Variants in XIRP2 observed in about 807,000 individuals in gnomAD.
The protein encoded by XIRP2 is xin actin-binding repeat-containing protein 2.
In XIRP2, 236 loss-of-function variants were observed where a neutral mutation model predicts 277.0. That is an observed-to-expected ratio of 0.85 (90% CI 0.77 to 0.95). The LOEUF (loss-of-function observed/expected upper bound fraction) is 0.95. Among genes scored for constraint, XIRP2 ranks in the 40% least tolerant of loss-of-function variants. The pLI, the probability that XIRP2 is intolerant of heterozygous loss-of-function variation, is 0.00. For missense variants in XIRP2, 4,640 were observed against 4,157.5 expected (o/e 1.12, Z -3.19); for synonymous variants, 1,490 against 1,416.5 (o/e 1.05, Z -1.17).
At chr2:166,896,319 A>G (rs1684240111) in intron 1 of XIRP2, among the ~76,000 whole-genome samples, 1 of 152,152 alleles carries the variant, frequency 6.6e-6, no homozygotes, top group Non-Finnish European at 1.5e-5. Flanking sequence ...AGAAGAAGGC[A>G]TTATTATCAG....
chr2:167,221,323 G>A (rs1264501002), intron 5 of XIRP2, among the ~76,000 whole-genome samples: 1 of 151,954 alleles, frequency 6.6e-6, no homozygotes, highest in African/African-American at 2.4e-5. Flanking sequence ...AATTAGCCAG[G>A]TGTGGTGGCG....
At chr2:167,023,044 T>C (rs1479051681) in intron 2 of XIRP2, among the ~76,000 whole-genome samples, 3 of 152,308 alleles carry the variant, frequency 2.0e-5, no homozygotes, top group African/African-American at 7.2e-5. Flanking sequence ...ACTTCCACAA[T>C]GGTTGAACTA....
At chr2:166,942,773 G>GT (rs201126811) in intron 2 of XIRP2, among the ~76,000 whole-genome samples, 3,577 of 151,276 alleles carry the variant, frequency 0.024, 61 homozygotes, top group Non-Finnish European at 0.038. Context: ...TCAGTATGAG[G>GT]TTTTTTTTTA....
rs1415534523 is a variant in XIRP2, at chr2:167,163,937, G to T, written c.562+27875G>T. Among the ~76,000 whole-genome samples the T allele has an allele frequency of 4.6e-5, 7 of 152,126 alleles. No homozygotes were observed. The East Asian group carries it at 1.4e-3, about 29-fold the overall frequency. On this transcript the variant is annotated intron_variant, in intron 3 of 10. Coordinates refer to ENST00000409195, the MANE Select transcript of XIRP2 (RefSeq NM_152381.6). ...CTTAAAGAATTGCTTTGGTGCTGTTGTCAAAATAATTTCAACATAATACAT... is the reference window on the plus strand; with the variant it reads ...CTTAAAGAATTGCTTTGGTGCTGTTTTCAAAATAATTTCAACATAATACAT...
Position 167,134,972 on chromosome 2 carries a change from G to T in XIRP2, c.409-937G>T, listed in dbSNP as rs1381856656. On this transcript the variant is annotated intron_variant, in intron 2 of 10. Coordinates refer to ENST00000409195, the MANE Select transcript of XIRP2 (RefSeq NM_152381.6). ...AAAATTTATGAATGGTTTATTTCTG[G>T]AATTTTTCATTTCATATTGTGGACC... 2.0e-5 allele frequency among the ~76,000 whole-genome samples: 3 copies of T among 152,022 alleles called. No homozygotes were observed. In the East Asian group the frequency reaches 5.8e-4, roughly 29 times the overall value.
intron 2 of XIRP2, among the ~76,000 whole-genome samples, chr2:167,112,761 C>T (rs759177043): frequency 6.6e-5 from 10 of 152,038 alleles, no homozygotes; most frequent in African/African-American, 1.4e-4. Flanking sequence ...AAGTGATTCT[C>T]GTACCTCAGC....
intron 3 of XIRP2, among the ~76,000 whole-genome samples, chr2:167,183,605 A>G (rs7578058): frequency 0.099 from 15,013 of 152,062 alleles, 793 homozygotes; most frequent in South Asian, 0.16. Flanking sequence ...TGATTTTGTC[A>G]TTTTAATTTT....
chr2:167,254,542 C>T (rs1007116762), intron 10 of XIRP2, among the ~76,000 whole-genome samples: 3 of 151,780 alleles, frequency 2.0e-5, no homozygotes, highest in Admixed American at 6.6e-5. Context: ...CTTTGCAGGC[C>T]GTACTGCTTC....
At chr2:167,115,566 A>C (rs1202603065) in intron 2 of XIRP2, among the ~76,000 whole-genome samples, 1 of 152,000 alleles carries the variant, frequency 6.6e-6, no homozygotes, top group Non-Finnish European at 1.5e-5. Flanking sequence ...GTTTGATTAC[A>C]GTATAAGGTG....
intron 2 of XIRP2, among the ~76,000 whole-genome samples, 168 bp from the exon 3 acceptor site, chr2:167,135,741 T>C (rs986562362): frequency 6.6e-6 from 1 of 152,210 alleles, no homozygotes; most frequent in Non-Finnish European, 1.5e-5. Flanking sequence ...CAGATATATG[T>C]TTGCAGTTCT....
At chr2:166,909,627 G>A (rs1342965988) in intron 2 of XIRP2, among the ~76,000 whole-genome samples, 2 of 152,136 alleles carry the variant, frequency 1.3e-5, no homozygotes, top group Non-Finnish European at 2.9e-5. Context: ...TTGCCTGATT[G>A]CCCTAGCCAG....
At chr2:166,997,622 G>A (rs1257846458) in intron 2 of XIRP2, among the ~76,000 whole-genome samples, 1 of 151,912 alleles carries the variant, frequency 6.6e-6, no homozygotes, top group African/African-American at 2.4e-5. Context: ...AGTTGACTTG[G>A]GGGGCCTGGC....
In XIRP2 at chr2:167,254,036, T is replaced by C; in HGVS notation, c.10560T>C (p.Ala3520=). 6.3e-7 allele frequency: 1 copy of C among 1,586,986 alleles called. No homozygotes were observed. The highest frequency in any genetic ancestry group is 8.6e-7 in the Non-Finnish European group (1 of 1,167,874). ...FQEESAFISE[A]AAPRQGNMYT... Reference sequence around the variant, plus strand: ...TTTGTAAATTTTTATTTTTAGAAGCTGCTGCTCCAAGACAAGGAAATATGT... The same window carrying C: ...TTTGTAAATTTTTATTTTTAGAAGCCGCTGCTCCAAGACAAGGAAATATGT... Residue 3520 remains alanine, a synonymous_variant, in exon 10 of 11, where the codon GCT becomes GCC. Coordinates refer to ENST00000409195, the MANE Select transcript of XIRP2 (RefSeq NM_152381.6).
At chr2:167,153,299 T>C (rs1692068439) in intron 3 of XIRP2, among the ~76,000 whole-genome samples, 1 of 152,166 alleles carries the variant, frequency 6.6e-6, no homozygotes, top group African/African-American at 2.4e-5. Flanking sequence ...ATGTACAAGT[T>C]ATGCAACATT....
intron 3 of XIRP2, among the ~76,000 whole-genome samples, chr2:167,169,615 G>A (rs1422566882): frequency 6.6e-6 from 1 of 152,146 alleles, no homozygotes; most frequent in Non-Finnish European, 1.5e-5. Context: ...CTGAGTGAGG[G>A]GTAACCTCCA....
At chr2:167,091,223 C>T (rs73970830) in intron 2 of XIRP2, among the ~76,000 whole-genome samples, 4,992 of 151,966 alleles carry the variant, frequency 0.033, 285 homozygotes, top group African/African-American at 0.11. Flanking sequence ...ATGTTTGTAC[C>T]TGTGACTTGA....
At chr2:167,019,647 C>T (rs1489977165) in intron 2 of XIRP2, among the ~76,000 whole-genome samples, 1 of 152,032 alleles carries the variant, frequency 6.6e-6, no homozygotes, top group Non-Finnish European at 1.5e-5. Context: ...TGTTTGCATT[C>T]ATTGTTTTAC....
chr2:166,984,876 C>A (rs1574137691), intron 2 of XIRP2, among the ~76,000 whole-genome samples: 2 of 152,302 alleles, frequency 1.3e-5, no homozygotes, highest in Middle Eastern at 6.8e-3. Flanking sequence ...GGCTGGTGAG[C>A]TTTTGGCTTT....
intron 3 of XIRP2, among the ~76,000 whole-genome samples, chr2:167,177,910 C>T (rs190111195): frequency 3.3e-4 from 50 of 151,984 alleles, no homozygotes; most frequent in African/African-American, 1.1e-3. Flanking sequence ...ATTCTGGAAG[C>T]AACCTAAACA....
Sources: allele counts gnomAD v4.1 joint callset (sites outside exome capture counted in the v4.1 genomes callset), GRCh38; gene constraint gnomAD v4.1.1; transcripts MANE v1.5; gene names NCBI Gene and HGNC (gene_info 2026-07-23, HGNC 2026-07-21).